The following TANC2 variants were observed in gnomAD, a reference collection of about 807,000 sequenced individuals.
TANC2 encodes tetratricopeptide repeat, ankyrin repeat and coiled-coil containing 2, also known as protein TANC2.
TANC2 carries 26 observed loss-of-function variants against 210.5 expected under a neutral mutation model. The observed-to-expected ratio is 0.12, with a 90% confidence interval of 0.09 to 0.17. The LOEUF is 0.17. Among genes scored for constraint, TANC2 ranks in the 10% least tolerant of loss-of-function variants. The pLI is 1.00. For synonymous variants in TANC2, 931 were observed against 967.1 expected, an observed-to-expected ratio of 0.96 and a Z score of 0.69; for missense variants, 2,129 against 2,608.9, an observed-to-expected ratio of 0.82 and a Z score of 4.01.
At chr17:63,240,282 T>G (rs2042739328) in intron 8 of TANC2, among the ~76,000 whole-genome samples, 1 of 152,198 alleles carries the variant, frequency 6.6e-6, no homozygotes, top group Non-Finnish European at 1.5e-5. Flanking sequence ...GAACACTTAG[T>G]AGAAGACAAA....
chr17:63,183,575 C>T (rs959663145), intron 5 of TANC2, among the ~76,000 whole-genome samples: 1 of 152,138 alleles, frequency 6.6e-6, no homozygotes, highest in South Asian at 2.1e-4. Context: ...ACTCATTATT[C>T]GAGTGATGGG....
intron 1 of TANC2, among the ~76,000 whole-genome samples, chr17:63,001,523 T>C (rs1379406961): frequency 1.4e-5 from 2 of 140,946 alleles, no homozygotes; most frequent in African/African-American, 2.7e-5. Context: ...CGTTTTTCTT[T>C]TCTTTTCTTT....
intron 9 of TANC2, among the ~76,000 whole-genome samples, chr17:63,291,346 G>A (rs764086160): frequency 5.3e-5 from 8 of 152,148 alleles, no homozygotes; most frequent in Non-Finnish European, 1.2e-4. Flanking sequence ...TAGCCTTCCT[G>A]TTCTACCAAA....
At chr17:63,042,641 T>C (rs1052417291) in intron 2 of TANC2, among the ~76,000 whole-genome samples, 3 of 152,162 alleles carry the variant, frequency 2.0e-5, no homozygotes, top group Non-Finnish European at 2.9e-5. Context: ...CAAAAGGCTT[T>C]ACATTCATTT....
At chr17:63,101,022 A>G (rs2037600771) in intron 4 of TANC2, among the ~76,000 whole-genome samples, 1 of 152,214 alleles carries the variant, frequency 6.6e-6, no homozygotes, top group African/African-American at 2.4e-5. Context: ...AAATTTTGGA[A>G]GAAAACAACT....
At chr17:63,004,343 G>T (rs2143756909) in intron 1 of TANC2, among the ~76,000 whole-genome samples, 1 of 152,302 alleles carries the variant, frequency 6.6e-6, no homozygotes, top group South Asian at 2.1e-4. Flanking sequence ...TGTGCTGAAG[G>T]TGGAAAGGGA....
intron 7 of TANC2, among the ~76,000 whole-genome samples, chr17:63,221,278 A>G (rs886179338): frequency 6.6e-6 from 1 of 151,812 alleles, no homozygotes; most frequent in South Asian, 2.1e-4. Context: ...TAAAAAAAAT[A>G]AAAAAATTAG....
Position 63,412,006 on chromosome 17 carries a change from C to G in TANC2, c.3774C>G (p.Phe1258Leu). 2 of 1,613,822 alleles carry G rather than the reference C, an allele frequency of 1.2e-6. No homozygotes were observed. The change falls in exon 23 of 28, where the codon TTC becomes TTG. Residue 1258 changes from phenylalanine (F) to leucine (L), a missense_variant. Transcript: ENST00000689528. The surrounding 1 kb of genome is among the most constrained non-coding windows in gnomAD (Gnocchi z 4.2). ...CTTGATCCGTGTCCTAGGTCCAGTT[C>G]CTGGTAGATCATGGGGCCATGATCG...
intron 3 of TANC2, among the ~76,000 whole-genome samples, chr17:63,087,423 T>A (rs1267287201): frequency 2.6e-5 from 4 of 152,178 alleles, no homozygotes; most frequent in Non-Finnish European, 5.9e-5. Context: ...TTTTTTTCTT[T>A]GTTTTTCTTT....
intron 2 of TANC2, among the ~76,000 whole-genome samples, chr17:63,017,244 C>T (rs1244662028): frequency 6.6e-6 from 1 of 152,160 alleles, no homozygotes; most frequent in African/African-American, 2.4e-5. Context: ...TTTTAGATTT[C>T]ATTCATGTTC....
intron 14 of TANC2, among the ~76,000 whole-genome samples, chr17:63,361,583 C>T (rs2046958742): frequency 6.6e-6 from 1 of 152,248 alleles, no homozygotes; most frequent in African/African-American, 2.4e-5. Flanking sequence ...AGCTTGGAGA[C>T]ACCAGGAACT....
chr17:63,227,392 T>C (rs1179312200), intron 7 of TANC2, among the ~76,000 whole-genome samples: 1 of 152,238 alleles, frequency 6.6e-6, no homozygotes, highest in African/African-American at 2.4e-5. Context: ...TGCATAAATG[T>C]CTTCTTTTGA....
rs145116450 is a variant in TANC2, at chr17:63,314,668, A to G, written c.1440A>G (p.Lys480=). 3.7e-6 allele frequency: 6 copies of G among 1,612,646 alleles called. No individual in the cohort carries two copies. The East Asian group carries it at 1.3e-4, about 36-fold the overall frequency. ...CAGACAGCCCACATGCCTCCCCCAA[A>G]CGTACGTATTCCTTTTTAAAGAACT... The change falls in exon 10 of 28, where the codon AAA becomes AAG. Residue 480 remains lysine (K), a splice_region_variant and synonymous_variant. Transcript: ENST00000689528.
At chr17:63,215,693 C>T (rs2042005646) in intron 7 of TANC2, among the ~76,000 whole-genome samples, 1 of 152,076 alleles carries the variant, frequency 6.6e-6, no homozygotes, top group South Asian at 2.1e-4. Context: ...GATGGAGGTG[C>T]CACACTTTTA....
intron 11 of TANC2, among the ~76,000 whole-genome samples, chr17:63,323,791 C>T (rs560646698): frequency 2.6e-5 from 4 of 152,236 alleles, no homozygotes; most frequent in South Asian, 2.1e-4. Context: ...TAATAAATAA[C>T]GAAGTGAGGA....
intron 7 of TANC2, among the ~76,000 whole-genome samples, chr17:63,209,415 C>G (rs183231879): frequency 6.3e-4 from 95 of 151,664 alleles, no homozygotes; most frequent in African/African-American, 1.8e-3. Context: ...TTAAAGGAAT[C>G]CTTTTTGTTT....
Position 63,019,966 on chromosome 17 carries a change from T to C in TANC2, c.67+10340T>C, listed in dbSNP as rs534102314. ...TTTTGAGACAGAGTTTCGCTCTTGT[T>C]GCCAGGCTGGAGTGCAGTGGCCTGA... On this transcript the variant is annotated intron_variant, in intron 2 of 27. Transcript: ENST00000689528. 1.3e-4 allele frequency among the ~76,000 whole-genome samples: 20 copies of C among 152,304 alleles called. No homozygotes were observed. In the South Asian group the frequency reaches 4.1e-3, roughly 32 times the overall value.
chr17:63,394,204 T>G (rs967022998), intron 17 of TANC2, among the ~76,000 whole-genome samples: 3 of 152,224 alleles, frequency 2.0e-5, no homozygotes, highest in Non-Finnish European at 4.4e-5. Flanking sequence ...ATTCAAGTAT[T>G]TATTGATATT....
chr17:63,343,425 A>AT (rs2046303634), intron 12 of TANC2, among the ~76,000 whole-genome samples: 1 of 152,254 alleles, frequency 6.6e-6, no homozygotes, highest in African/African-American at 2.4e-5. Context: ...GAGGTTCCAA[A>AT]TTCATGAATC....
Sources: allele counts gnomAD v4.1 joint callset (sites outside exome capture counted in the v4.1 genomes callset), GRCh38; gene constraint gnomAD v4.1.1; non-coding constraint Gnocchi (gnomAD v3.1); transcripts MANE v1.5; gene names NCBI Gene and HGNC (gene_info 2026-07-23, HGNC 2026-07-21).